BRINP1: variants seen among roughly 807,000 people sequenced by gnomAD.
BRINP1 encodes the protein BMP/retinoic acid inducible neural specific 1.
In BRINP1, 17 loss-of-function variants were observed where a neutral mutation model predicts 72.9. That is an observed-to-expected ratio of 0.23 (90% CI 0.16 to 0.35). The LOEUF (loss-of-function observed/expected upper bound fraction) is 0.35, where lower values mean the gene tolerates loss of function less well. BRINP1 is among the 10% of genes least tolerant of loss of function. BRINP1 has a pLI of 1.00. For synonymous variants in BRINP1, 418 were observed against 378.5 expected (o/e 1.10, Z -1.21); for missense variants, 850 against 1,001.6 (o/e 0.85, Z 2.04).
intron 2 of BRINP1, among the ~76,000 whole-genome samples, chr9:119,302,231 C>A (rs1830945860): frequency 1.3e-5 from 2 of 152,126 alleles, no homozygotes; most frequent in Non-Finnish European, 2.9e-5. Flanking sequence ...GTGTGTGAAG[C>A]TGGGTTTCTG....
At chr9:119,312,160 C>T (rs1457559204) in intron 2 of BRINP1, among the ~76,000 whole-genome samples, 1 of 152,160 alleles carries the variant, frequency 6.6e-6, no homozygotes, top group Non-Finnish European at 1.5e-5. Context: ...CTAACATGGA[C>T]CAGAGTTCCC....
chr9:119,170,352 G>C (rs1048022640), intron 7 of BRINP1, among the ~76,000 whole-genome samples: 3 of 151,176 alleles, frequency 2.0e-5, no homozygotes, highest in African/African-American at 7.4e-5. Context: ...CTCAGGAGCC[G>C]ATGCGATCAA....
intron 7 of BRINP1, among the ~76,000 whole-genome samples, chr9:119,195,981 T>C (rs561897633): frequency 8.5e-5 from 13 of 152,240 alleles, no homozygotes; most frequent in Admixed American, 3.9e-4. Context: ...ATATGAAAAC[T>C]TGACCTCTTC....
intron 2 of BRINP1, among the ~76,000 whole-genome samples, chr9:119,284,597 C>G (rs1221148): frequency 0.46 from 70,115 of 152,034 alleles, 17,024 homozygotes; most frequent in African/African-American, 0.61. Flanking sequence ...TAGGGCTTTT[C>G]CAAGAGCAGA....
At chr9:119,267,347 A>G (rs1830557664) in intron 2 of BRINP1, among the ~76,000 whole-genome samples, 1 of 152,162 alleles carries the variant, frequency 6.6e-6, no homozygotes, top group Admixed American at 6.5e-5. Context: ...TAAGAAGCCT[A>G]TTAAAGACCA....
intron 2 of BRINP1, among the ~76,000 whole-genome samples, chr9:119,309,867 C>T (rs537892359): frequency 2.2e-4 from 33 of 152,168 alleles, no homozygotes; most frequent in African/African-American, 7.0e-4. Context: ...TTTTGGTCAT[C>T]TCTATGTTAG....
intron 2 of BRINP1, among the ~76,000 whole-genome samples, chr9:119,257,328 A>G (rs1251536616): frequency 1.3e-5 from 2 of 152,232 alleles, no homozygotes; most frequent in Non-Finnish European, 2.9e-5. Flanking sequence ...CCTAATGCAT[A>G]TAATGAAGCA....
chr9:119,264,276 G>A (rs1830526268), intron 2 of BRINP1, among the ~76,000 whole-genome samples: 1 of 152,184 alleles, frequency 6.6e-6, no homozygotes. Context: ...AAGTCTTAGT[G>A]GGATTAAATA....
intron 5 of BRINP1, among the ~76,000 whole-genome samples, chr9:119,230,397 C>T (rs1044136136): frequency 2.6e-5 from 4 of 151,994 alleles, no homozygotes; most frequent in African/African-American, 9.7e-5. Context: ...TGTGAGTCAA[C>T]GGATCAGCAG....
chr9:119,308,282 T>A (rs540277283), intron 2 of BRINP1, among the ~76,000 whole-genome samples: 1 of 152,348 alleles, frequency 6.6e-6, no homozygotes, highest in South Asian at 2.1e-4. Context: ...AATAGAAATC[T>A]AGCTCTTTTA....
Position 119,167,830 on chromosome 9 carries a change from T to C in BRINP1, c.1540A>G (p.Thr514Ala), listed in dbSNP as rs1291464153. 1.9e-6 allele frequency: 3 copies of C among 1,613,882 alleles called. No homozygotes were observed. Among genetic ancestry groups the C allele is most frequent in the Non-Finnish European group, 2.5e-6 (3 of 1,179,974 alleles). Residue 514 changes from threonine (T) to alanine (A), a missense_variant, in exon 8 of 8, where the codon ACC becomes GCC. Coordinates refer to ENST00000265922, the MANE Select transcript of BRINP1 (RefSeq NM_014618.3). The surrounding 1 kb of genome is among the most constrained non-coding windows in gnomAD (Gnocchi z 4.3). ...TTGCGCCACCGAGGGTCAAAGAAGGTGTCGAGGCGGATCTCGTTGCTGATG... is the reference window on the plus strand; with the variant it reads ...TTGCGCCACCGAGGGTCAAAGAAGGCGTCGAGGCGGATCTCGTTGCTGATG... ...TFISNEIRLDTFFDPRWRKRM... is the reference protein window; with the variant it reads ...TFISNEIRLDAFFDPRWRKRM...
At chr9:119,311,205 GGT>G (rs1203385219) in intron 2 of BRINP1, among the ~76,000 whole-genome samples, 5 of 152,072 alleles carry the variant, frequency 3.3e-5, no homozygotes. Flanking sequence ...GTCTGTAGCT[GGT>G]GCTTAATAAT....
intron 2 of BRINP1, among the ~76,000 whole-genome samples, chr9:119,265,173 G>A (rs774205857): frequency 1.3e-5 from 2 of 152,134 alleles, no homozygotes; most frequent in Non-Finnish European, 2.9e-5. Context: ...CTTCCTTAAA[G>A]TATGTATCAC....
chr9:119,210,051 C>T (rs1829906988), intron 6 of BRINP1, among the ~76,000 whole-genome samples: 1 of 152,166 alleles, frequency 6.6e-6, no homozygotes, highest in Non-Finnish European at 1.5e-5. Context: ...TAGTTCAGCT[C>T]TTTTGTTCTA....
intron 1 of BRINP1, among the ~76,000 whole-genome samples, chr9:119,330,512 C>T (rs1198353005): frequency 6.6e-6 from 1 of 152,184 alleles, no homozygotes; most frequent in African/African-American, 2.4e-5. Context: ...GGAGTGAACC[C>T]TCCCATATTT....
chr9:119,244,662 G>A (rs1467405993), intron 3 of BRINP1, among the ~76,000 whole-genome samples: 2 of 152,168 alleles, frequency 1.3e-5, no homozygotes, highest in African/African-American at 2.4e-5. Flanking sequence ...GTTCCCTCTG[G>A]ACTGAGAACT....
At chr9:119,228,846 G>C (rs187298849) in intron 5 of BRINP1, among the ~76,000 whole-genome samples, 57 of 152,210 alleles carry the variant, frequency 3.7e-4, no homozygotes, top group Middle Eastern at 6.8e-3. Context: ...CGAATGTGGG[G>C]AAACCATGGA....
chr9:119,242,325 C>A, intron 3 of BRINP1, 109 bp from the exon 4 acceptor site: 1 of 868,210 alleles, frequency 1.2e-6, no homozygotes, highest in Admixed American at 2.6e-5. Flanking sequence ...CCAATGTGGC[C>A]CATGTTTCCT....
chr9:119,321,179 C>T (rs1365132569), intron 1 of BRINP1, among the ~76,000 whole-genome samples: 1 of 152,180 alleles, frequency 6.6e-6, no homozygotes, highest in Non-Finnish European at 1.5e-5. Flanking sequence ...GATCCACCCG[C>T]CTCGGCCTCC....
Sources: allele counts gnomAD v4.1 joint callset (sites outside exome capture counted in the v4.1 genomes callset), GRCh38; gene constraint gnomAD v4.1.1; non-coding constraint Gnocchi (gnomAD v3.1); transcripts MANE v1.5; gene names NCBI Gene and HGNC (gene_info 2026-07-23, HGNC 2026-07-21).